Variants in OCLN observed in about 807,000 individuals in gnomAD.
The protein encoded by OCLN is occludin, also known as phosphatase 1, regulatory subunit 115.
In OCLN, 21 loss-of-function variants were observed where a neutral mutation model predicts 47.9. The ratio of observed to expected loss-of-function variants is 0.44; its 90% CI spans 0.31 to 0.63. OCLN has a LOEUF of 0.63. OCLN is among the 30% of genes least tolerant of loss of function. The probability of loss-of-function intolerance (pLI) is 0.08; values close to 1 mark genes in which losing one functional copy is unlikely to be tolerated. For missense variants in OCLN, 360 were observed against 571.0 expected (o/e 0.63, Z 3.77); for synonymous variants, 117 against 198.4 (o/e 0.59, Z 3.45).
chr5:69,533,036 CATGT>C (rs1319369331), intron 4 of OCLN, among the ~76,000 whole-genome samples: 6 of 139,396 alleles, frequency 4.3e-5, no homozygotes, highest in Non-Finnish European at 7.5e-5. Flanking sequence ...TACACACACA[CATGT>C]ATATATACAC....
At chr5:69,497,238 ATT>A (rs35549704) in intron 1 of OCLN, among the ~76,000 whole-genome samples, 32 of 150,680 alleles carry the variant, frequency 2.1e-4, no homozygotes, top group African/African-American at 4.9e-4. Context: ...GGTTTTTGGA[ATT>A]TTTTTTTTTT....
At chr5:69,494,785 C>T (rs976765376) in intron 1 of OCLN, among the ~76,000 whole-genome samples, 2 of 152,186 alleles carry the variant, frequency 1.3e-5, no homozygotes, top group Non-Finnish European at 2.9e-5. Context: ...CCCAACAACT[C>T]TAAAAGGCAG....
chr5:69,510,980 G>A (rs537909332), intron 3 of OCLN, among the ~76,000 whole-genome samples: 6 of 152,168 alleles, frequency 3.9e-5, no homozygotes, highest in Non-Finnish European at 5.9e-5. Flanking sequence ...ATTTTGATTC[G>A]TATTTTCTTT....
At chr5:69,495,498 G>A (rs1006953464) in intron 1 of OCLN, among the ~76,000 whole-genome samples, 2 of 152,186 alleles carry the variant, frequency 1.3e-5, no homozygotes, top group Non-Finnish European at 2.9e-5. Flanking sequence ...AACTGAAGTT[G>A]GAAAAAATAA....
In OCLN at chr5:69,507,469, C is replaced by T. The variant is rs539231954; in HGVS notation, c.51-1672C>T. 9.2e-5 allele frequency among the ~76,000 whole-genome samples: 14 copies of T among 151,984 alleles called. No homozygotes were observed. The South Asian group carries it at 2.9e-3, about 32-fold the overall frequency. On this transcript the variant is annotated intron_variant, in intron 2 of 8. Transcript: ENST00000396442. ...AAAACTTTATGTAAATATAATAATGCGATATGTATTTTTTCATTTTTTTCA... is the reference window on the plus strand; with the variant it reads ...AAAACTTTATGTAAATATAATAATGTGATATGTATTTTTTCATTTTTTTCA...
intron 1 of OCLN, among the ~76,000 whole-genome samples, chr5:69,501,572 A>G (rs1057491613): frequency 2.6e-5 from 4 of 151,766 alleles, no homozygotes; most frequent in Non-Finnish European, 4.4e-5. Context: ...GGTTGTAGTG[A>G]GCTGAGATGA....
rs1269007796 is a variant in OCLN at position 69,506,321 on chromosome 5, T to C, written c.50+2027T>C. Among the ~76,000 whole-genome samples the C allele has an allele frequency of 2.0e-5, 3 of 152,192 alleles. No individual in the cohort carries two copies. In the East Asian group the frequency reaches 5.8e-4, roughly 29 times the overall value. The stretch of plus-strand genomic sequence containing the variant: ...AATGAACAAACAAATGATATTACAA[T>C]GGATGCCAACAAACACCAGATGAAG... On this transcript the variant is annotated intron_variant, in intron 2 of 8. Transcript: ENST00000396442.
At position 69,554,018 on chromosome 5, in the gene OCLN, ATC is replaced by A. The variant is rs1274264235; in HGVS notation, c.*350_*351del. 6.4e-6 allele frequency: 1 copy of A among 156,280 alleles called. No individual in the cohort carries two copies. The highest frequency in any genetic ancestry group is 1.3e-5 in the Non-Finnish European group (1 of 77,972). 9.7% of individuals were successfully genotyped at this position (156,280 alleles called of 1,614,324 possible). The stretch of plus-strand genomic sequence containing the variant: ...CTACATGTATTTGTTTGCATAGGTG[ATC>A]TCATTTAATCCTCTCAACCACCTTT... On this transcript the variant is annotated 3_prime_UTR_variant, in exon 9 of 9. Transcript: ENST00000396442.
intron 4 of OCLN, among the ~76,000 whole-genome samples, chr5:69,532,995 A>G (rs1409042246): frequency 4.1e-5 from 2 of 48,950 alleles, no homozygotes; most frequent in African/African-American, 2.0e-4. Flanking sequence ...ATATGTATGC[A>G]TGTATGTGTG....
chr5:69,524,745 G>A (rs1769230442), intron 4 of OCLN, among the ~76,000 whole-genome samples: 1 of 152,206 alleles, frequency 6.6e-6, no homozygotes, highest in African/African-American at 2.4e-5. Context: ...GGAATGTAGT[G>A]GCATGATCTT....
intron 5 of OCLN, 72 bp downstream of exon 5, chr5:69,534,911 C>T: frequency 6.5e-7 from 1 of 1,549,802 alleles, no homozygotes; most frequent in Admixed American, 1.7e-5. Flanking sequence ...GGTTTTTGTG[C>T]CTTTCTGCTT....
At chr5:69,515,069 C>T (rs1356939845) in intron 4 of OCLN, among the ~76,000 whole-genome samples, 6 of 152,040 alleles carry the variant, frequency 3.9e-5, no homozygotes, top group African/African-American at 1.4e-4. Flanking sequence ...GGTGGCTGGG[C>T]AGAGGGGCTC....
intron 4 of OCLN, among the ~76,000 whole-genome samples, chr5:69,520,827 AT>A (rs1769116804): frequency 6.6e-6 from 1 of 152,026 alleles, no homozygotes; most frequent in Non-Finnish European, 1.5e-5. Context: ...AAATAATGTA[AT>A]GTTGTTACTT....
intron 1 of OCLN, among the ~76,000 whole-genome samples, 183 bp from the exon 2 acceptor site, chr5:69,503,994 G>A (rs1768527929): frequency 6.6e-6 from 1 of 152,042 alleles, no homozygotes; most frequent in Non-Finnish European, 1.5e-5. Flanking sequence ...TAGCTACTTG[G>A]GAGGCTGAGG....
chr5:69,497,288 T>C (rs921227293), intron 1 of OCLN, among the ~76,000 whole-genome samples: 5 of 152,128 alleles, frequency 3.3e-5, no homozygotes, highest in Admixed American at 3.3e-4. Context: ...TCTTCATATA[T>C]TTCAGGGCTG....
intron 5 of OCLN, among the ~76,000 whole-genome samples, chr5:69,536,122 A>C (rs1769577938): frequency 1.3e-5 from 2 of 152,230 alleles, no homozygotes; most frequent in Non-Finnish European, 1.5e-5. Context: ...CATCTAAATA[A>C]ATAAATAAAT....
chr5:69,525,968 C>A (rs1769268245), intron 4 of OCLN, among the ~76,000 whole-genome samples: 2 of 152,216 alleles, frequency 1.3e-5, no homozygotes, highest in South Asian at 4.2e-4. Flanking sequence ...TTTATGACAC[C>A]TGGACCAGAA....
rs1194806662 is a variant in OCLN, at chr5:69,493,864, G to A, written c.-69+964G>A. ...CCTCTGCGCCTAGGGGTTGGGAGCGGCGCCGAGCCCCTCGCGCTCCTCGGG... is the reference window on the plus strand; with the variant it reads ...CCTCTGCGCCTAGGGGTTGGGAGCGACGCCGAGCCCCTCGCGCTCCTCGGG... On this transcript the variant is annotated intron_variant, in intron 1 of 8. Coordinates refer to ENST00000396442, the MANE Select transcript of OCLN (RefSeq NM_001205254.2). The surrounding 1 kb of genome is among the most constrained non-coding windows in gnomAD (Gnocchi z 5.3). Among the ~76,000 whole-genome samples, 2 of 152,178 alleles carry A rather than the reference G, an allele frequency of 1.3e-5. No individual in the cohort carries two copies. The highest frequency in any genetic ancestry group is 1.3e-4 in the Admixed American group (2 of 15,280).
intron 5 of OCLN, among the ~76,000 whole-genome samples, chr5:69,538,284 T>C (rs983825942): frequency 6.7e-6 from 1 of 149,704 alleles, no homozygotes; most frequent in South Asian, 2.1e-4. Flanking sequence ...GAAATAACTT[T>C]TTTGTTACTT....
Sources: allele counts gnomAD v4.1 joint callset (sites outside exome capture counted in the v4.1 genomes callset), GRCh38; gene constraint gnomAD v4.1.1; non-coding constraint Gnocchi (gnomAD v3.1); transcripts MANE v1.5; gene names NCBI Gene and HGNC (gene_info 2026-07-23, HGNC 2026-07-21).